The following ASPH variants were observed in gnomAD, a reference collection of about 807,000 sequenced individuals.
ASPH encodes aspartate beta-hydroxylase, also known as aspartyl/asparaginyl beta-hydroxylase.
In ASPH, 100 loss-of-function variants were observed where a neutral mutation model predicts 118.4. The observed-to-expected ratio is 0.84, with a 90% CI of 0.72 to 1.00. The LOEUF (loss-of-function observed/expected upper bound fraction) is 1.00. Ranked by LOEUF, ASPH falls within the 50% of genes least tolerant of loss-of-function variation. The pLI is 0.00. For missense variants in ASPH, 920 were observed against 919.5 expected, an observed-to-expected ratio of 1.00 and a Z score of -0.01; for synonymous variants, 315 against 325.6, an observed-to-expected ratio of 0.97 and a Z score of 0.35.
chr8:61,612,298 A>T (rs1847648035), intron 14 of ASPH, among the ~76,000 whole-genome samples: 1 of 152,180 alleles, frequency 6.6e-6, no homozygotes, highest in Non-Finnish European at 1.5e-5. Flanking sequence ...GGCAGAAGAA[A>T]GAATCACTGG....
chr8:61,643,731 T>A (rs1012572977), intron 8 of ASPH, among the ~76,000 whole-genome samples: 1 of 152,222 alleles, frequency 6.6e-6, no homozygotes, highest in African/African-American at 2.4e-5. Flanking sequence ...GTCTCAACAG[T>A]GGTTTGAAAA....
At chr8:61,587,245 G>T (rs997166629) in intron 14 of ASPH, among the ~76,000 whole-genome samples, 7 of 152,184 alleles carry the variant, frequency 4.6e-5, no homozygotes, top group African/African-American at 7.2e-5. Flanking sequence ...AGTGAATAAT[G>T]AGCTTTAAAC....
rs972505517 is a variant in ASPH at position 61,514,440 on chromosome 8, G to A, written c.2126+3088C>T. Among the ~76,000 whole-genome samples the A allele has an allele frequency of 1.2e-4, 19 of 152,160 alleles. No individual in the cohort carries two copies. The South Asian group carries it at 1.5e-3, about 12-fold the overall frequency. On this transcript the variant is annotated intron_variant, in intron 24 of 24. Coordinates refer to ENST00000379454, the MANE Select transcript of ASPH (RefSeq NM_004318.4). The stretch of plus-strand genomic sequence containing the variant: ...TTAAAAGTTGTTTCTGTGGCTGAGC[G>A]TGGTGGCTCATGCCTGTAATCCCAG...
chr8:61,624,488 T>G, intron 13 of ASPH: 11 of 966,644 alleles, frequency 1.1e-5, no homozygotes, highest in Non-Finnish European at 1.4e-5. Flanking sequence ...CTGATTTTAT[T>G]ATGTAACAAA....
At chr8:61,532,254 T>C (rs1417917348) in intron 21 of ASPH, among the ~76,000 whole-genome samples, 3 of 152,168 alleles carry the variant, frequency 2.0e-5, no homozygotes, top group African/African-American at 7.2e-5. Context: ...TATCTCACTG[T>C]CCTTTTGATT....
At chr8:61,592,654 G>T (rs1841484735) in intron 14 of ASPH, among the ~76,000 whole-genome samples, 1 of 152,156 alleles carries the variant, frequency 6.6e-6, no homozygotes, top group Admixed American at 6.6e-5. Context: ...AAAGAAAAAG[G>T]TGCTCTGTAT....
intron 16 of ASPH, among the ~76,000 whole-genome samples, chr8:61,576,172 A>G (rs555191708): frequency 6.6e-6 from 1 of 152,270 alleles, no homozygotes; most frequent in Admixed American, 6.5e-5. Context: ...CATCTCATAA[A>G]AGAATGCAAA....
At chr8:61,676,582 G>T (rs1328642768) in intron 3 of ASPH, among the ~76,000 whole-genome samples, 1 of 152,108 alleles carries the variant, frequency 6.6e-6, no homozygotes, top group Admixed American at 6.6e-5. Context: ...TCATTAGAGT[G>T]TTGAGTTGAA....
chr8:61,570,230 G>A (rs1227329205), intron 16 of ASPH, among the ~76,000 whole-genome samples: 1 of 152,100 alleles, frequency 6.6e-6, no homozygotes, highest in African/African-American at 2.4e-5. Flanking sequence ...ATAAAATGTT[G>A]AATATCTCAT....
At chr8:61,648,239 A>G (rs896995313) in intron 5 of ASPH, among the ~76,000 whole-genome samples, 1 of 152,198 alleles carries the variant, frequency 6.6e-6, no homozygotes, top group African/African-American at 2.4e-5. Context: ...TATTACAGTA[A>G]TAACAACATT....
chr8:61,696,309 T>C (rs1833918707), intron 1 of ASPH, among the ~76,000 whole-genome samples: 1 of 152,222 alleles, frequency 6.6e-6, no homozygotes, highest in Non-Finnish European at 1.5e-5. Flanking sequence ...TTTTCATCAG[T>C]ATTAGTAAAC....
intron 20 of ASPH, among the ~76,000 whole-genome samples, chr8:61,549,634 A>C (rs1338375776): frequency 6.6e-6 from 1 of 152,202 alleles, no homozygotes; most frequent in Non-Finnish European, 1.5e-5. Flanking sequence ...TTTTTAAAAA[A>C]TAGCATATAT....
chr8:61,542,691 CTTT>C (rs892806535), intron 21 of ASPH, among the ~76,000 whole-genome samples: 1 of 151,494 alleles, frequency 6.6e-6, no homozygotes, highest in Non-Finnish European at 1.5e-5. Flanking sequence ...TAGTGATGCT[CTTT>C]TTTTTTCTTC....
intron 3 of ASPH, chr8:61,665,162 A>G (rs1349219125): frequency 6.7e-7 from 1 of 1,501,596 alleles, no homozygotes; most frequent in African/African-American, 1.4e-5. Flanking sequence ...CACCCTCACC[A>G]ATCAGAGCAA....
chr8:61,640,614 C>A (rs1471774700), intron 10 of ASPH, among the ~76,000 whole-genome samples: 1 of 152,222 alleles, frequency 6.6e-6, no homozygotes, highest in African/African-American at 2.4e-5. Flanking sequence ...GCACTTATCA[C>A]AACTGGAAAT....
At chr8:61,665,175 T>C in intron 3 of ASPH, 1 of 1,517,888 alleles carries the variant, frequency 6.6e-7, no homozygotes. Context: ...CAGAGCAATA[T>C]TACATTTTCC....
At chr8:61,642,858 A>T in intron 10 of ASPH, 30 bp downstream of exon 10, 2 of 722,624 alleles carry the variant, frequency 2.8e-6, no homozygotes, top group Non-Finnish European at 3.9e-6. Context: ...AAAAAAAAAG[A>T]AAAAAAAAAA....
intron 3 of ASPH, among the ~76,000 whole-genome samples, chr8:61,654,120 A>C (rs1812443385): frequency 6.6e-6 from 1 of 152,224 alleles, no homozygotes; most frequent in Non-Finnish European, 1.5e-5. Context: ...GTTAAAAAGA[A>C]AAAGAAATCA....
chr8:61,693,134 C>T (rs761260084), intron 1 of ASPH, among the ~76,000 whole-genome samples: 14 of 152,104 alleles, frequency 9.2e-5, no homozygotes, highest in East Asian at 1.9e-4. Flanking sequence ...CAAGTCCAGC[C>T]GTAACCATGT....
Sources: allele counts gnomAD v4.1 joint callset (sites outside exome capture counted in the v4.1 genomes callset), GRCh38; gene constraint gnomAD v4.1.1; transcripts MANE v1.5; gene names NCBI Gene and HGNC (gene_info 2026-07-23, HGNC 2026-07-21).